Variants in KIAA1217 observed in about 807,000 individuals in gnomAD.
KIAA1217 encodes KIAA1217.
In KIAA1217, 88 loss-of-function variants were observed where a neutral mutation model predicts 163.9. That is an observed-to-expected ratio of 0.54 (90% confidence interval 0.45 to 0.64). KIAA1217 has a LOEUF of 0.64. Ranked by LOEUF, KIAA1217 falls within the 30% of genes least tolerant of loss-of-function variation. The probability of loss-of-function intolerance (pLI) is 0.00; values close to 1 mark genes in which losing one functional copy is unlikely to be tolerated. For synonymous variants in KIAA1217, 903 were observed against 923.1 expected, an observed-to-expected ratio of 0.98 and a Z score of 0.39; for missense variants, 2,372 against 2,475.0, an observed-to-expected ratio of 0.96 and a Z score of 0.88.
intron 16 of KIAA1217, 63 bp from the exon 17 acceptor site, chr10:24,536,711 G>A (rs1592753061): frequency 2.6e-6 from 4 of 1,568,506 alleles, no homozygotes; most frequent in South Asian, 1.1e-5. Context: ...GTTCCTGCCT[G>A]TTTCCCTCCA....
intron 1 of KIAA1217, among the ~76,000 whole-genome samples, chr10:23,699,083 G>T (rs1424371563): frequency 6.6e-6 from 1 of 152,212 alleles, no homozygotes; most frequent in Non-Finnish European, 1.5e-5. Flanking sequence ...ACACCGTCCA[G>T]TTGCTCCCAT....
At position 24,547,799 on chromosome 10, in the gene KIAA1217, A is replaced by G. The variant is rs2075777338; in HGVS notation, c.*1475A>G. ...GCTCTTATTATTTTCTCTCTTTTTA[A>G]AAAACTTCCAGTAGAAGTAAAGTGG... On this transcript the variant is annotated 3_prime_UTR_variant, in exon 21 of 21. Transcript: ENST00000376454. 1 of 152,132 alleles carries G rather than the reference A, an allele frequency of 6.6e-6. No homozygotes were observed. The highest frequency in any genetic ancestry group is 1.5e-5 in the Non-Finnish European group (1 of 68,034). The allele number at this position is 152,132 out of a possible 1,614,324, so 9.4% of individuals were successfully genotyped here.
At chr10:24,095,860 C>T (rs2062138361) in intron 2 of KIAA1217, among the ~76,000 whole-genome samples, 1 of 152,204 alleles carries the variant, frequency 6.6e-6, no homozygotes, top group South Asian at 2.1e-4. Context: ...AATCCCGGCA[C>T]TTTGGGAGGC....
In KIAA1217 at chr10:24,473,857, C is replaced by T. The variant is rs140033141; in HGVS notation, c.1476C>T (p.Ala492=). 1.2e-6 allele frequency: 2 copies of T among 1,613,954 alleles called. No individual in the cohort carries two copies. Among genetic ancestry groups the T allele is most frequent in the Non-Finnish European group, 1.7e-6 (2 of 1,180,034 alleles). ...RMIDMHAHYN[A]HGPPHTMQPD... The stretch of plus-strand genomic sequence containing the variant: ...TAGACATGCACGCTCACTATAATGC[C>T]CACGGCCCCCCTCACACCATGCAGC... Residue 492 remains alanine (A), a synonymous_variant, in exon 6 of 21, where the codon GCC becomes GCT. Coordinates refer to ENST00000376454, the MANE Select transcript of KIAA1217 (RefSeq NM_019590.5).
At chr10:24,383,580 G>A (rs955486190) in intron 3 of KIAA1217, among the ~76,000 whole-genome samples, 2 of 152,242 alleles carry the variant, frequency 1.3e-5, no homozygotes, top group Non-Finnish European at 2.9e-5. Flanking sequence ...TGCTGTCACA[G>A]CAGGCTGAAA....
chr10:23,989,372 T>A (rs2131433228), intron 1 of KIAA1217, among the ~76,000 whole-genome samples: 1 of 152,174 alleles, frequency 6.6e-6, no homozygotes, highest in African/African-American at 2.4e-5. Flanking sequence ...AAACTATGTA[T>A]TTTTTTATGT....
intron 19 of KIAA1217, 47 bp downstream of exon 19, chr10:24,544,528 A>T: frequency 6.5e-7 from 1 of 1,547,260 alleles, no homozygotes; most frequent in Non-Finnish European, 8.7e-7. Context: ...GCTTTCCTAA[A>T]TCTGCCATAA....
chr10:23,847,781 C>T (rs1839115224), intron 1 of KIAA1217, among the ~76,000 whole-genome samples: 1 of 152,058 alleles, frequency 6.6e-6, no homozygotes, highest in Admixed American at 6.6e-5. Flanking sequence ...TTTGCTCTTG[C>T]TTCTCTAGTT....
chr10:23,780,135 G>A (rs1285029006), intron 1 of KIAA1217, among the ~76,000 whole-genome samples: 1 of 152,130 alleles, frequency 6.6e-6, no homozygotes, highest in Non-Finnish European at 1.5e-5. Context: ...ACGTAACCAA[G>A]TTTTTGTTTT....
intron 1 of KIAA1217, among the ~76,000 whole-genome samples, chr10:23,949,501 T>A (rs138935457): frequency 1.3e-4 from 20 of 152,200 alleles, no homozygotes; most frequent in African/African-American, 4.8e-4. Flanking sequence ...CAGAATAACA[T>A]TACAAATGCA....
intron 1 of KIAA1217, among the ~76,000 whole-genome samples, chr10:23,932,720 T>C (rs1209048213): frequency 1.3e-5 from 2 of 152,218 alleles, no homozygotes; most frequent in Non-Finnish European, 1.5e-5. Context: ...AGTCCTGAGA[T>C]GTTATCTCTT....
At chr10:23,791,667 G>A (rs1835956523) in intron 1 of KIAA1217, among the ~76,000 whole-genome samples, 1 of 152,182 alleles carries the variant, frequency 6.6e-6, no homozygotes, top group South Asian at 2.1e-4. Context: ...TTGTGCATTT[G>A]TGTTCATGTG....
intron 2 of KIAA1217, among the ~76,000 whole-genome samples, chr10:24,038,815 G>A (rs978586794): frequency 2.9e-5 from 4 of 138,538 alleles, no homozygotes; most frequent in African/African-American, 1.1e-4. Flanking sequence ...GCAGTAGCAC[G>A]ATCTCAGCTC....
chr10:23,880,816 AG>A (rs1840916631), intron 1 of KIAA1217, among the ~76,000 whole-genome samples: 1 of 98,466 alleles, frequency 1.0e-5, no homozygotes, highest in East Asian at 2.6e-4. Flanking sequence ...GGGGAAACAT[AG>A]AATTGATGGA....
At chr10:24,069,960 C>T (rs2061120587) in intron 2 of KIAA1217, among the ~76,000 whole-genome samples, 1 of 152,182 alleles carries the variant, frequency 6.6e-6, no homozygotes, top group Admixed American at 6.5e-5. Context: ...CTGCTTCAGC[C>T]TCCTGAGTAG....
intron 5 of KIAA1217, among the ~76,000 whole-genome samples, chr10:24,463,818 C>T (rs1353766231): frequency 6.6e-6 from 1 of 152,158 alleles, no homozygotes; most frequent in African/African-American, 2.4e-5. Flanking sequence ...ACATTGCTTC[C>T]ACTTTGCTTT....
chr10:24,224,708 T>C (rs1162522817), intron 2 of KIAA1217, among the ~76,000 whole-genome samples: 1 of 152,150 alleles, frequency 6.6e-6, no homozygotes, highest in Non-Finnish European at 1.5e-5. Flanking sequence ...AATACAACGA[T>C]GGAATCTTTT....
intron 13 of KIAA1217, among the ~76,000 whole-genome samples, chr10:24,527,251 G>A (rs935749133): frequency 3.3e-5 from 5 of 151,700 alleles, no homozygotes; most frequent in African/African-American, 1.2e-4. Context: ...TGTTCTTAGT[G>A]TTGTGGGTTT....
At chr10:24,533,327 C>G in intron 16 of KIAA1217, 90 bp downstream of exon 16, 1 of 1,307,726 alleles carries the variant, frequency 7.6e-7, no homozygotes, top group African/African-American at 1.5e-5. Flanking sequence ...GCGAGAAGGC[C>G]AGGGAAGCGC....
Sources: gnomAD v4.1 joint callset for allele counts (sites outside exome capture counted in the v4.1 genomes callset) on GRCh38, gnomAD v4.1.1 for gene constraint, MANE v1.5 for transcripts, NCBI Gene and HGNC (gene_info 2026-07-23, HGNC 2026-07-21) for gene names.